SYNE2: variants seen among roughly 807,000 people sequenced by gnomAD.
SYNE2 encodes the protein nesprin-2.
A neutral mutation model predicts 856.3 loss-of-function variants in SYNE2; 431 were observed. The ratio of observed to expected loss-of-function variants is 0.50; its 90% CI spans 0.47 to 0.55. The LOEUF is 0.55. Ranked by LOEUF, SYNE2 falls within the 20% of genes least tolerant of loss-of-function variation. The pLI is 0.00. For missense variants in SYNE2, 8,129 were observed against 8,023.2 expected (o/e 1.01, Z -0.50); for synonymous variants, 2,923 against 2,872.3 (o/e 1.02, Z -0.56).
At position 64,078,473 on chromosome 14, in the gene SYNE2, A is replaced by G. The variant is rs1044882220; in HGVS notation, c.11030A>G (p.Asn3677Ser). Residue 3677 changes from asparagine to serine, a missense_variant, in exon 55 of 116, where the codon AAT (asparagine) becomes AGT (serine). Coordinates refer to ENST00000555002, the MANE Select transcript of SYNE2 (RefSeq NM_182914.3). ...ALEDIDEKIS[N>S]EVLKSSPSYA... ...TCTTTGTCTCTTTCACAGATTAGCAATGAAGTCTTAAAAAGCTCACCATCA... is the reference window on the plus strand; with the variant it reads ...TCTTTGTCTCTTTCACAGATTAGCAGTGAAGTCTTAAAAAGCTCACCATCA... The G allele has an allele frequency of 9.9e-6, 16 of 1,613,924 alleles. No homozygotes were observed. The highest frequency in any genetic ancestry group is 9.3e-5 in the African/African-American group (7 of 74,946).
At chr14:64,014,124 A>G (rs2096869452) in intron 32 of SYNE2, among the ~76,000 whole-genome samples, 1 of 152,106 alleles carries the variant, frequency 6.6e-6, no homozygotes, top group South Asian at 2.1e-4. Flanking sequence ...ATTATATAGT[A>G]TGTAACTTTT....
At position 64,221,636 on chromosome 14, in the gene SYNE2, C is replaced by T. The variant is rs1451181003; in HGVS notation, c.20122C>T (p.Gln6708Ter). The T allele has an allele frequency of 6.2e-7, 1 of 1,614,042 alleles. No homozygotes were observed. The highest frequency in any genetic ancestry group is 8.5e-7 in the Non-Finnish European group (1 of 1,180,046). Residue 6708 changes from glutamine (Q) to a stop codon, truncating the protein, a stop_gained, in exon 112 of 116, where the codon CAG becomes TAG. Coordinates refer to ENST00000555002, the MANE Select transcript of SYNE2 (RefSeq NM_182914.3). LOFTEE classifies it high-confidence loss of function. Reference protein sequence around the residue: ...LWLASAKNRRQKAHVTDPKAD... With the variant: ...LWLASAKNRR ...GTTAGCGAGTGCCAAGAACCGGAGG[C>T]AGAAGGCTCATGTCACCGATCCAAA...
intron 99 of SYNE2, among the ~76,000 whole-genome samples, chr14:64,193,598 TA>T (rs2098527912): frequency 1.3e-5 from 2 of 152,134 alleles, no homozygotes; most frequent in Admixed American, 6.5e-5. Context: ...CCGGCCTTGT[TA>T]CTGCAAGATC....
At chr14:64,124,882 TATCCC>T (rs2097926368) in intron 70 of SYNE2, among the ~76,000 whole-genome samples, 192 bp from the exon 71 acceptor site, 1 of 151,934 alleles carries the variant, frequency 6.6e-6, no homozygotes, top group African/African-American at 2.4e-5. Flanking sequence ...AGGCACCTGT[TATCCC>T]AGCTACTCGG....
intron 82 of SYNE2, 109 bp from the exon 83 acceptor site, chr14:64,143,663 C>A: frequency 1.7e-6 from 2 of 1,166,556 alleles, no homozygotes; most frequent in African/African-American, 1.5e-5. Flanking sequence ...GACAGGTGCC[C>A]CTTGATTAAT....
intron 2 of SYNE2, among the ~76,000 whole-genome samples, chr14:63,925,029 C>G (rs746127651): frequency 6.6e-6 from 1 of 151,986 alleles, no homozygotes; most frequent in Admixed American, 6.6e-5. Context: ...CGGCCAGGTG[C>G]AGTGGCTCAT....
chr14:63,834,873 C>T (rs1043089899), intron 1 of SYNE2, among the ~76,000 whole-genome samples: 1 of 148,216 alleles, frequency 6.7e-6, no homozygotes, highest in African/African-American at 2.5e-5. Context: ...CTCTTGACCT[C>T]GTGATCCACC....
In SYNE2 at chr14:63,786,389, T is replaced by C. The variant is rs550178007; in HGVS notation, c.-305+24403T>C. On this transcript the variant is annotated intron_variant, in intron 1 of 23. Coordinates refer to the SYNE2 transcript ENST00000674003. ...TGCCACTGCACTCCAGTCTGGGTGA[T>C]AGAGCGAGATTGTCTCAAAAAGAAA... Among the ~76,000 whole-genome samples the C allele has an allele frequency of 2.5e-3, 380 of 152,300 alleles. 3 individuals carry two copies. Among genetic ancestry groups the C allele is most frequent in the Non-Finnish European group, 4.7e-3 (318 of 68,024 alleles).
At chr14:64,109,523 T>G (rs1372790205) in intron 65 of SYNE2, among the ~76,000 whole-genome samples, 2 of 152,186 alleles carry the variant, frequency 1.3e-5, no homozygotes, top group Non-Finnish European at 2.9e-5. Context: ...GACTCTGAGT[T>G]TAAAACCTGA....
rs151141185 is a variant in SYNE2 at position 64,143,689 on chromosome 14, GC to G, written c.15307-78del. ...CTTGATTAATGGACGGGAGCTTGGT[GC>G]CCCCTCGAGCACATAAAGGGAAATC... On this transcript the variant is annotated intron_variant, in intron 82 of 115. Coordinates refer to ENST00000555002, the MANE Select transcript of SYNE2 (RefSeq NM_182914.3). 1,505 of 1,451,312 alleles carry G rather than the reference GC, an allele frequency of 1.0e-3. 9 individuals are homozygous for G. In the African/African-American group the frequency reaches 0.016, roughly 16 times the overall value. The allele number at this position is 1,451,312 out of a possible 1,614,324, so 89.9% of individuals were successfully genotyped here.
chr14:64,130,188 T>G lies in SYNE2; in HGVS notation c.14280T>G (p.His4760Gln). The G allele has an allele frequency of 6.2e-7, 1 of 1,614,068 alleles. No homozygotes were observed. The highest frequency in any genetic ancestry group is 8.5e-7 in the Non-Finnish European group (1 of 1,179,990). ...AGATTGGGAAGGAAAAGCTTGCTCA[T>G]GGCCACTTAAAACAAACCAAAAGTA... ...LVKIGKEKLA[H>Q]GHLKQTKSKV... The change falls in exon 76 of 116, where the codon CAT (histidine) becomes CAG (glutamine). Residue 4760 changes from histidine (H) to glutamine (Q), a missense_variant. Physicochemically the swap from His to Gln is conservative, Grantham distance 24. This residue lies in a region of SYNE2 where 5,410 missense variants were observed against 5,284.8 expected (regional missense o/e 1.02). Coordinates refer to ENST00000555002, the MANE Select transcript of SYNE2 (RefSeq NM_182914.3).
Position 64,031,232 on chromosome 14 carries a change from T to C in SYNE2, c.7096T>C (p.Ser2366Pro), listed in dbSNP as rs35444312. The C allele has an allele frequency of 8.8e-4, 1,426 of 1,613,990 alleles. 12 individuals are homozygous for C. In the African/African-American group the frequency reaches 0.017, roughly 19 times the overall value. Residue 2366 changes from serine (S) to proline (P), a missense_variant, in exon 45 of 116, where the codon TCA becomes CCA. Coordinates refer to ENST00000555002, the MANE Select transcript of SYNE2 (RefSeq NM_182914.3). ...CAACAGCATTCTCAAATCAAAACGC[T>C]CAACAGAAAAGAAAGGAAAGTTTAC... is the stretch of plus-strand genomic sequence containing the variant. ...CLNSILKSKR[S>P]TEKKGKFTLP...
intron 6 of SYNE2, among the ~76,000 whole-genome samples, chr14:63,948,772 A>ATATATATATG (rs1411444415): frequency 1.8e-5 from 1 of 54,892 alleles, no homozygotes; most frequent in African/African-American, 7.4e-5. Flanking sequence ...ATATATATGT[A>ATATATATATG]TGTGTGTGTG....
At position 64,167,590 on chromosome 14, in the gene SYNE2, A is replaced by T; in HGVS notation, c.16856A>T (p.Asp5619Val). 6.2e-7 allele frequency: 1 copy of T among 1,614,228 alleles called. No homozygotes were observed. The highest frequency in any genetic ancestry group is 1.1e-5 in the South Asian group (1 of 91,084). Residue 5619 changes from aspartate (D) to valine (V), a missense_variant, in exon 92 of 116, where the codon GAT becomes GTT. By Grantham distance (152) the Asp-to-Val change is radical. Around this residue, in one of 3 missense-constraint regions of SYNE2, gnomAD observed 5,410 missense variants for 5,284.8 expected, o/e 1.02. Transcript: ENST00000555002. Reference protein sequence around the residue: ...LEKIEEALKVDVANSLPELLE... With the variant: ...LEKIEEALKVVVANSLPELLE... ...AAGATAGAAGAAGCACTCAAAGTGG[A>T]TGTGGCTAACAGCCTTCCTGAGCTC... is the stretch of plus-strand genomic sequence containing the variant.
chr14:64,224,373 T>G, intron 113 of SYNE2, 88 bp from the exon 114 acceptor site: 1 of 1,161,464 alleles, frequency 8.6e-7, no homozygotes, highest in Non-Finnish European at 1.3e-6. Context: ...AAAAAAAGAT[T>G]GATTTAAGGT....
chr14:63,914,303 A>G (rs749514981), intron 2 of SYNE2, among the ~76,000 whole-genome samples: 1 of 152,204 alleles, frequency 6.6e-6, no homozygotes, highest in African/African-American at 2.4e-5. Flanking sequence ...TTTCTTTGCA[A>G]TTCAGTGTAA....
chr14:63,962,723 G>A (rs185543425), intron 9 of SYNE2, among the ~76,000 whole-genome samples: 1 of 152,150 alleles, frequency 6.6e-6, no homozygotes, highest in Admixed American at 6.5e-5. Flanking sequence ...TGTATTTTTA[G>A]TAGAGGCAGG....
chr14:63,974,953 C>T, intron 11 of SYNE2, among the ~76,000 whole-genome samples: 1 of 140,100 alleles, frequency 7.1e-6, no homozygotes, highest in African/African-American at 2.6e-5. Context: ...GTCGCCCAGG[C>T]TGGAGTACAG....
Position 64,162,274 on chromosome 14 carries a change from A to T in SYNE2, c.16297A>T (p.Lys5433Ter), listed in dbSNP as rs1217337046. 1.9e-6 allele frequency: 3 copies of T among 1,613,994 alleles called. No homozygotes were observed. Among genetic ancestry groups the T allele is most frequent in the African/African-American group, 1.3e-5 (1 of 74,934 alleles). The stretch of plus-strand genomic sequence containing the variant: ...CCTGCCCCCAGCCCTGCAGGACATA[A>T]AGGTGGGTACAAAGCCCATTTGGAA... Reference protein sequence around the residue: ...EILPPALQDIKELQHDVQKTK... With the variant: ...EILPPALQDI Residue 5433 changes from lysine to a stop codon, truncating the protein, a stop_gained and splice_region_variant, in exon 88 of 116, where the codon AAG (lysine) becomes TAG (stop). Transcript: ENST00000555002. LOFTEE classifies it high-confidence loss of function.
Sources: gnomAD v4.1 joint callset for allele counts (sites outside exome capture counted in the v4.1 genomes callset) on GRCh38, gnomAD v4.1.1 for gene constraint, gnomAD v4.1.1 regional missense constraint, MANE v1.5 for transcripts, NCBI Gene and HGNC (gene_info 2026-07-23, HGNC 2026-07-21) for gene names.